Variants in GPC3 observed in about 807,000 individuals in gnomAD.
The protein encoded by GPC3 is glypican-3.
A neutral mutation model predicts 34.4 loss-of-function variants in GPC3; 3 were observed. The ratio of observed to expected loss-of-function variants is 0.09; its 90% CI spans 0.04 to 0.23. The LOEUF (loss-of-function observed/expected upper bound fraction) is 0.23, where lower values mean the gene tolerates loss of function less well. Among genes scored for constraint, GPC3 ranks in the 10% least tolerant of loss-of-function variants. GPC3 has a pLI of 1.00. For synonymous variants in GPC3, 177 were observed against 174.0 expected, an observed-to-expected ratio of 1.02 and a Z score of -0.13; for missense variants, 351 against 445.6, an observed-to-expected ratio of 0.79 and a Z score of 1.91.
chrX:133,754,196 AGAGAC>A lies in GPC3; in HGVS notation c.338-25_338-21del. On this transcript the variant is annotated intron_variant, in intron 2 of 7. Transcript: ENST00000370818. The stretch of plus-strand genomic sequence containing the variant: ...AGGCCTCTGTAAAAAAAAAAAAAAA[AGAGAC>A]ACAAAAATGTGTACAAATTAAAGCA... 4 of 986,913 alleles carry A rather than the reference AGAGAC, an allele frequency of 4.1e-6. No individual in the cohort carries two copies. Among genetic ancestry groups the A allele is most frequent in the Non-Finnish European group, 5.7e-6 (4 of 703,583 alleles). 81.3% of individuals were successfully genotyped at this position (986,913 alleles called of 1,213,427 possible).
At chrX:133,892,828 T>G (rs780583985) in intron 2 of GPC3, among the ~76,000 whole-genome samples, 1 of 111,303 alleles carries the variant, frequency 9.0e-6, no homozygotes, top group East Asian at 2.8e-4. Context: ...GGGTGCAGGT[T>G]AGGTTAAGTA....
intron 6 of GPC3, among the ~76,000 whole-genome samples, chrX:133,638,734 A>G (rs1322430624): frequency 9.1e-6 from 1 of 109,588 alleles, no homozygotes; most frequent in African/African-American, 3.3e-5. Context: ...GGGGTGTACA[A>G]TCTTTTGGCT....
intron 3 of GPC3, among the ~76,000 whole-genome samples, chrX:133,725,911 T>C (rs944874451): frequency 1.8e-5 from 2 of 111,780 alleles, no homozygotes; most frequent in Admixed American, 1.9e-4. Context: ...TTCTTTTGTG[T>C]TGGCTTTCCT....
rs556451446 is a variant in GPC3, at chrX:133,599,148, G to A, written c.1414-2549C>T. 1.1e-3 allele frequency among the ~76,000 whole-genome samples: 118 copies of A among 111,947 alleles called. 3 individuals are homozygous for A. In the South Asian group the frequency reaches 0.017, roughly 16 times the overall value. On this transcript the variant is annotated intron_variant, in intron 6 of 7. Coordinates refer to ENST00000370818, the MANE Select transcript of GPC3 (RefSeq NM_004484.4). The stretch of plus-strand genomic sequence containing the variant: ...CTCTCAAGTAAAAATGAAACAGGAA[G>A]CTCACAGCTCAAATTTCTCACAAGT...
chrX:133,671,030 G>A, intron 5 of GPC3: 1 of 551,734 alleles, frequency 1.8e-6, no homozygotes, highest in African/African-American at 2.2e-5. Context: ...TACTTCAGGG[G>A]AAACAAATGG....
chrX:133,881,386 G>T (rs2076040887), intron 2 of GPC3, among the ~76,000 whole-genome samples: 1 of 111,949 alleles, frequency 8.9e-6, no homozygotes, highest in Non-Finnish European at 1.9e-5. Flanking sequence ...GGGTGTGGGG[G>T]GAGGCAGCAA....
intron 1 of GPC3, among the ~76,000 whole-genome samples, chrX:133,971,700 G>A (rs1295433675): frequency 1.8e-5 from 2 of 110,951 alleles, no homozygotes; most frequent in African/African-American, 6.6e-5. Context: ...GGGGAGAAAG[G>A]AAGATGCGGA....
intron 6 of GPC3, among the ~76,000 whole-genome samples, chrX:133,653,136 G>A (rs1026306650): frequency 1.8e-5 from 2 of 112,032 alleles, no homozygotes; most frequent in Admixed American, 1.9e-4. Flanking sequence ...AATGGCTCAC[G>A]TGGGATTAAG....
chrX:133,642,708 G>A (rs2070492689), intron 6 of GPC3, among the ~76,000 whole-genome samples: 1 of 104,224 alleles, frequency 9.6e-6, no homozygotes, highest in Non-Finnish European at 2.0e-5. Context: ...GGAGGCAGAG[G>A]TTGCGGTGAG....
intron 3 of GPC3, among the ~76,000 whole-genome samples, chrX:133,709,997 A>T (rs1267643485): frequency 8.9e-6 from 1 of 111,999 alleles, no homozygotes; most frequent in African/African-American, 3.2e-5. Flanking sequence ...GTGACAATGT[A>T]AGCATTTTTT....
chrX:133,579,017 T>C (rs1235873160), intron 7 of GPC3, among the ~76,000 whole-genome samples: 1 of 111,377 alleles, frequency 9.0e-6, no homozygotes, highest in Non-Finnish European at 1.9e-5. Context: ...GCCTCACCTC[T>C]TGCTTCTCTG....
rs761533006 is a variant in GPC3, at chrX:133,596,027, G to A, written c.1573+413C>T. Among the ~76,000 whole-genome samples, 115 of 111,708 alleles carry A rather than the reference G, an allele frequency of 1.0e-3. 1 individual carries two copies. Among genetic ancestry groups the A allele is most frequent in the South Asian group, 1.9e-3 (5 of 2,663 alleles). Reference sequence around the variant, plus strand: ...GTTTTTAACTTTTGTTTTAAGTTCAGGGGTACATGTCTAGGTTTGTTATAT... The same window carrying A: ...GTTTTTAACTTTTGTTTTAAGTTCAAGGGTACATGTCTAGGTTTGTTATAT... On this transcript the variant is annotated intron_variant, in intron 7 of 7. Transcript: ENST00000370818.
rs764641135 is a variant in GPC3 at position 133,684,863 on chromosome X, T to C, written c.1292+7506A>G. ...TTTTATATGTATGTGTGAGTATATA[T>C]GCACTTTGGCATATAGGTCTTTTTT... On this transcript the variant is annotated intron_variant, in intron 5 of 7. Coordinates refer to ENST00000370818, the MANE Select transcript of GPC3 (RefSeq NM_004484.4). Among the ~76,000 whole-genome samples the C allele has an allele frequency of 2.7e-5, 3 of 110,195 alleles. No individual in the cohort carries two copies. The East Asian group carries it at 8.6e-4, about 31-fold the overall frequency.
chrX:133,723,453 C>G (rs375306820), intron 3 of GPC3, among the ~76,000 whole-genome samples: 2 of 112,141 alleles, frequency 1.8e-5, no homozygotes, highest in East Asian at 2.8e-4. Context: ...TTTGTATTAT[C>G]TGTGCTCCTC....
rs2076401247 is a variant in GPC3, at chrX:133,953,258, T to TCA, written c.176-49_176-48dup. ...TGTTTCAGTAAGCAGGATCTCTCTC[T>TCA]CACACACCCACACCCACACCACCCC... On this transcript the variant is annotated intron_variant, in intron 1 of 7. Coordinates refer to ENST00000370818, the MANE Select transcript of GPC3 (RefSeq NM_004484.4). 3.7e-6 allele frequency: 4 copies of TCA among 1,094,884 alleles called. No homozygotes were observed. In the East Asian group the frequency reaches 1.2e-4, roughly 33 times the overall value. The allele number at this position is 1,094,884 out of a possible 1,213,427, so 90.2% of individuals were successfully genotyped here. A position where few individuals can be genotyped will look rare whatever the true frequency, so the allele number is the denominator to read the frequency against.
At chrX:133,677,242 T>C in intron 5 of GPC3, among the ~76,000 whole-genome samples, 1 of 111,580 alleles carries the variant, frequency 9.0e-6, no homozygotes, top group Admixed American at 9.5e-5. Flanking sequence ...AGGAGTAAAA[T>C]GAAGAGCTCA....
chrX:133,866,866 C>T (rs1336883768), intron 2 of GPC3, among the ~76,000 whole-genome samples: 2 of 111,019 alleles, frequency 1.8e-5, no homozygotes, highest in Non-Finnish European at 3.8e-5. Flanking sequence ...ACCAATTATT[C>T]TCTCTCAGGC....
intron 2 of GPC3, among the ~76,000 whole-genome samples, chrX:133,803,192 T>G (rs985304944): frequency 4.4e-5 from 5 of 112,380 alleles, no homozygotes; most frequent in Non-Finnish European, 9.4e-5. Flanking sequence ...CCCAAAGTGC[T>G]GGGATTACAG....
intron 6 of GPC3, among the ~76,000 whole-genome samples, chrX:133,626,551 C>T (rs867001669): frequency 9.0e-6 from 1 of 110,582 alleles, no homozygotes; most frequent in African/African-American, 3.3e-5. Flanking sequence ...GCAGCCAACA[C>T]ACACATGAAA....
Sources: allele counts gnomAD v4.1 joint callset (sites outside exome capture counted in the v4.1 genomes callset), GRCh38; gene constraint gnomAD v4.1.1; transcripts MANE v1.5; gene names NCBI Gene and HGNC (gene_info 2026-07-23, HGNC 2026-07-21).